The following ATG2B variants were observed in gnomAD, a reference collection of about 807,000 sequenced individuals.
ATG2B encodes the protein autophagy-related protein 2 homolog B.
ATG2B carries 121 observed loss-of-function variants against 241.3 expected under a neutral mutation model. The ratio of observed to expected loss-of-function variants is 0.50; its 90% confidence interval spans 0.43 to 0.58. ATG2B has a LOEUF of 0.58. ATG2B is among the 20% of genes least tolerant of loss of function. The pLI, the probability that ATG2B is intolerant of heterozygous loss-of-function variation, is 0.00. For missense variants in ATG2B, 2,306 were observed against 2,491.6 expected (o/e 0.93, Z 1.59); for synonymous variants, 858 against 876.6 (o/e 0.98, Z 0.37).
At chr14:96,309,688 AC>A in intron 28 of ATG2B, 94 bp from the exon 29 acceptor site, 6 of 1,203,446 alleles carry the variant, frequency 5.0e-6, no homozygotes, top group Non-Finnish European at 6.8e-6. Flanking sequence ...ATTACATTGT[AC>A]AAAAACATCA....
In ATG2B at chr14:96,282,975, C is replaced by T. The variant is rs1319544864; in HGVS notation, c.*2780G>A. On this transcript the variant is annotated 3_prime_UTR_variant, in exon 42 of 42. Transcript: ENST00000359933. ...ACTTAAGCGAGAATCCAAATCGTAC[C>T]CAAACTTCATGAAAGTGAAAGTCTA... 1 of 152,102 alleles carries T rather than the reference C, an allele frequency of 6.6e-6. No individual in the cohort carries two copies. Among genetic ancestry groups the T allele is most frequent in the African/African-American group, 2.4e-5 (1 of 41,398 alleles). The allele number at this position is 152,102 out of a possible 1,614,324, so 9.4% of individuals were successfully genotyped here.
At chr14:96,313,023 C>A in intron 25 of ATG2B, 42 bp downstream of exon 25, 2 of 1,276,644 alleles carry the variant, frequency 1.6e-6, no homozygotes, top group Non-Finnish European at 2.2e-6. Flanking sequence ...TGGTATGTTT[C>A]GAACAGCTTT....
At chr14:96,317,944 G>T in intron 18 of ATG2B, 89 bp from the exon 19 acceptor site, 1 of 1,006,830 alleles carries the variant, frequency 9.9e-7, no homozygotes, top group South Asian at 2.5e-5. Flanking sequence ...AAGATCGTAT[G>T]AACAATAATT....
At chr14:96,310,643 G>A (rs1887125075) in intron 28 of ATG2B, among the ~76,000 whole-genome samples, 1 of 151,992 alleles carries the variant, frequency 6.6e-6, no homozygotes, top group South Asian at 2.1e-4. Flanking sequence ...ATCTCACCAG[G>A]TCATCATGAA....
chr14:96,315,154 C>G lies in ATG2B; in HGVS notation c.3642G>C (p.Gln1214His). The G allele has an allele frequency of 1.2e-6, 2 of 1,612,976 alleles. No homozygotes were observed. Among genetic ancestry groups the G allele is most frequent in the Non-Finnish European group, 1.7e-6 (2 of 1,179,026 alleles). ...MLPSGLSWHE[Q>H]ILYFLNIADE... is the part of the protein sequence containing the mutation. ...AATACATATATAACAGCTCTCTTAC[C>G]TGCTCATGCCAGCTAAGCCCAGAAG... The change falls in exon 23 of 42, where the codon CAG (glutamine) becomes CAC (histidine). Residue 1214 changes from glutamine (Q) to histidine (H), a missense_variant and splice_region_variant. Coordinates refer to ENST00000359933, the MANE Select transcript of ATG2B (RefSeq NM_018036.7).
In ATG2B at chr14:96,332,596, G is replaced by C. The variant is rs745624024; in HGVS notation, c.1267C>G (p.Pro423Ala). Residue 423 changes from proline (P) to alanine (A), a missense_variant, in exon 9 of 42, where the codon CCA becomes GCA. Pro to Ala is a conservative substitution (Grantham distance 27, BLOSUM62 -1). This residue lies in a region of ATG2B where 1,927 missense variants were observed against 2,011.2 expected (regional missense o/e 0.96). Transcript: ENST00000359933. ...ATGTTTGGGGGGTCCCCAAGGGGTG[G>C]AAGAGAAGAGAGACTATGAGACATG... ...MDMSHSLSSL[P>A]PLGDPPNMDL... 6.2e-7 allele frequency: 1 copy of C among 1,609,014 alleles called. No homozygotes were observed. Among genetic ancestry groups the C allele is most frequent in the Non-Finnish European group, 8.5e-7 (1 of 1,178,314 alleles).
At chr14:96,333,921 A>T (rs781494729) in intron 7 of ATG2B, 48 bp from the exon 8 acceptor site, 1 of 1,544,434 alleles carries the variant, frequency 6.5e-7, no homozygotes, top group South Asian at 1.1e-5. Context: ...ATTTGGAGTT[A>T]ATTAAGCATT....
Position 96,289,931 on chromosome 14 carries a change from T to A in ATG2B, c.5857-126A>T. On this transcript the variant is annotated intron_variant, in intron 40 of 41. Coordinates refer to ENST00000359933, the MANE Select transcript of ATG2B (RefSeq NM_018036.7). The surrounding 1 kb of genome is among the most constrained non-coding windows in gnomAD (Gnocchi z 4.3). ...ACTCACAAACCCTAATGAAGACACT[T>A]CTGCGTATCTGAATTCTTTACCACA... 1.1e-6 allele frequency: 1 copy of A among 945,468 alleles called. No homozygotes were observed. Among genetic ancestry groups the A allele is most frequent in the Non-Finnish European group, 1.5e-6 (1 of 648,348 alleles). 58.6% of individuals were successfully genotyped at this position (945,468 alleles called of 1,614,324 possible). A position where few individuals can be genotyped will look rare whatever the true frequency, so the allele number is the denominator to read the frequency against.
At chr14:96,353,508 C>T (rs1013241568) in intron 1 of ATG2B, among the ~76,000 whole-genome samples, 1 of 152,064 alleles carries the variant, frequency 6.6e-6, no homozygotes, top group South Asian at 2.1e-4. Flanking sequence ...GGCCTGTAGT[C>T]TCAGCTACTC....
At chr14:96,340,761 T>C (rs1043374077) in intron 6 of ATG2B, among the ~76,000 whole-genome samples, 1 of 151,270 alleles carries the variant, frequency 6.6e-6, no homozygotes, top group African/African-American at 2.4e-5. Flanking sequence ...AAAAACATAA[T>C]ACAAAAATTA....
intron 6 of ATG2B, among the ~76,000 whole-genome samples, chr14:96,339,147 C>A (rs1379455747): frequency 6.6e-6 from 1 of 151,778 alleles, no homozygotes; most frequent in Admixed American, 6.6e-5. Context: ...GGATGGACAT[C>A]GTAAAAAAGG....
chr14:96,353,165 C>T (rs1008920342), intron 1 of ATG2B, among the ~76,000 whole-genome samples: 1 of 152,146 alleles, frequency 6.6e-6, no homozygotes, highest in Admixed American at 6.5e-5. Context: ...CCTAGGTATA[C>T]AGTAGGCTAT....
Position 96,289,656 on chromosome 14 carries a change from C to T in ATG2B, c.6006G>A (p.Glu2002=). 1 of 1,614,024 alleles carries T rather than the reference C, an allele frequency of 6.2e-7. No individual in the cohort carries two copies. The highest frequency in any genetic ancestry group is 8.5e-7 in the Non-Finnish European group (1 of 1,179,962). Residue 2002 remains glutamate (E), a splice_region_variant and synonymous_variant, in exon 41 of 42, where the codon GAG becomes GAA. Transcript: ENST00000359933. This position sits in a 1 kb window ranked among gnomAD's most constrained non-coding sequence, Gnocchi z 4.3. ...GVAKAYSVVK[E]GITDTAQTIY... ...TGTGTCCACCCAAGTATTCAGTTAC[C>T]TCTTTCACAACACTGTAGGCCTTGG... is the stretch of plus-strand genomic sequence containing the variant.
intron 6 of ATG2B, among the ~76,000 whole-genome samples, chr14:96,340,733 T>G (rs1017359740): frequency 2.0e-5 from 3 of 151,938 alleles, no homozygotes; most frequent in Non-Finnish European, 2.9e-5. Flanking sequence ...GGCAACATAG[T>G]GAGACCCTGT....
At chr14:96,319,700 A>G (rs1360395723) in intron 18 of ATG2B, among the ~76,000 whole-genome samples, 1 of 152,234 alleles carries the variant, frequency 6.6e-6, no homozygotes, top group Non-Finnish European at 1.5e-5. Flanking sequence ...CTGAATTACC[A>G]GTTAATGTAG....
At chr14:96,302,303 G>C (rs1886814362) in intron 33 of ATG2B, among the ~76,000 whole-genome samples, 195 bp from the exon 34 acceptor site, 1 of 152,122 alleles carries the variant, frequency 6.6e-6, no homozygotes, top group African/African-American at 2.4e-5. Context: ...CTGATTAAAG[G>C]CTGGGCACGG....
In ATG2B at chr14:96,303,269, G is replaced by GA. The variant is rs150809599; in HGVS notation, c.4843-15dup. The GA allele has an allele frequency of 1.5e-3, 2,322 of 1,534,578 alleles. 38 individuals carry two copies. The African/African-American group carries it at 0.028, about 19-fold the overall frequency. ...CTGAAACTTCACCTTAACGGGTAAG[G>GA]AGGAAGAACGCGGAACAGTTCTTTA... On this transcript the variant is annotated splice_polypyrimidine_tract_variant and intron_variant, in intron 32 of 41. Transcript: ENST00000359933.
At position 96,279,528 on chromosome 14, in the gene ATG2B, C is replaced by T. The variant is rs911766358; in HGVS notation, c.*6227G>A. 13 of 152,294 alleles carry T rather than the reference C, an allele frequency of 8.5e-5. No homozygotes were observed. Among genetic ancestry groups the T allele is most frequent in the Admixed American group, 5.2e-4 (8 of 15,298 alleles). 9.4% of individuals were successfully genotyped at this position (152,294 alleles called of 1,614,324 possible). On this transcript the variant is annotated 3_prime_UTR_variant, in exon 42 of 42. Transcript: ENST00000359933. Reference sequence around the variant, plus strand: ...GAAGGAAGTCAAACAGGGAAACAGACGTGGATCTACAGTATGCGGGGAGTG... The same window carrying T: ...GAAGGAAGTCAAACAGGGAAACAGATGTGGATCTACAGTATGCGGGGAGTG...
intron 14 of ATG2B, among the ~76,000 whole-genome samples, chr14:96,327,368 C>T (rs1481865284): frequency 6.6e-6 from 1 of 152,126 alleles, no homozygotes; most frequent in Non-Finnish European, 1.5e-5. Flanking sequence ...TTGTCTCCAT[C>T]TGATCCTGGT....
Sources: allele counts gnomAD v4.1 joint callset (sites outside exome capture counted in the v4.1 genomes callset), GRCh38; gene constraint gnomAD v4.1.1; regional missense constraint gnomAD v4.1.1; non-coding constraint Gnocchi (gnomAD v3.1); transcripts MANE v1.5; gene names NCBI Gene and HGNC (gene_info 2026-07-23, HGNC 2026-07-21).